OGDHL: variants seen among roughly 807,000 people sequenced by gnomAD.
The protein encoded by OGDHL is 2-oxoglutarate dehydrogenase-like, mitochondrial.
In OGDHL, 79 loss-of-function variants were observed where a neutral mutation model predicts 109.6. The ratio of observed to expected loss-of-function variants is 0.72; its 90% CI spans 0.60 to 0.87. The LOEUF is 0.87. OGDHL is among the 40% of genes least tolerant of loss of function. OGDHL has a pLI of 0.00. For synonymous variants in OGDHL, 528 were observed against 537.2 expected (o/e 0.98, Z 0.24); for missense variants, 1,275 against 1,362.2 (o/e 0.94, Z 1.01).
At chr10:49,736,563 G>A in intron 20 of OGDHL, 43 bp from the exon 21 acceptor site, 2 of 1,595,710 alleles carry the variant, frequency 1.3e-6, no homozygotes, top group Non-Finnish European at 1.7e-6. Context: ...GGTACCCAGA[G>A]GGGCTGGGGC....
rs199545931 is a variant in OGDHL, at chr10:49,737,936, C to T, written c.2517+11G>A. The T allele has an allele frequency of 1.8e-4, 284 of 1,614,124 alleles. No homozygotes were observed. The highest frequency in any genetic ancestry group is 1.3e-3 in the African/African-American group (97 of 75,040). Reference sequence around the variant, plus strand: ...CCTGCCTGTGACCCCTGCCCTGGGACGGAGACTCACCGGCTTGCGGAAGGG... The same window carrying T: ...CCTGCCTGTGACCCCTGCCCTGGGATGGAGACTCACCGGCTTGCGGAAGGG... On this transcript the variant is annotated intron_variant, in intron 19 of 22. Transcript: ENST00000374103.
intron 1 of OGDHL, chr10:49,758,795 C>CAATAGA: frequency 1.6e-6 from 1 of 609,866 alleles, no homozygotes; most frequent in South Asian, 2.0e-5. Flanking sequence ...TCAGTAAACT[C>CAATAGA]TATCAATAGA....
chr10:49,758,985 C>T (rs905807881), intron 1 of OGDHL, among the ~76,000 whole-genome samples: 1 of 152,068 alleles, frequency 6.6e-6, no homozygotes, highest in African/African-American at 2.4e-5. Flanking sequence ...GGGAGTACCA[C>T]CAAGAAGGAG....
chr10:49,743,478 G>A (rs1045759674), intron 14 of OGDHL: 1 of 168,070 alleles, frequency 5.9e-6, no homozygotes, highest in Non-Finnish European at 1.3e-5. Flanking sequence ...ACAGCCACAG[G>A]GGACCCTCCG....
intron 8 of OGDHL, among the ~76,000 whole-genome samples, chr10:49,748,742 C>CCACA (rs3223401): frequency 0.16 from 21,565 of 133,586 alleles, 1,807 homozygotes; most frequent in African/African-American, 0.18. Flanking sequence ...AGGTATGGGT[C>CCACA]CACACACACA....
chr10:49,737,775 C>T lies in OGDHL; in HGVS notation c.2590+11G>A, dbSNP rs1210766437. The T allele has an allele frequency of 2.5e-6, 4 of 1,614,140 alleles. No homozygotes were observed. The highest frequency in any genetic ancestry group is 3.4e-6 in the Non-Finnish European group (4 of 1,180,002). ...TGTGGGCTACCCCACACACCCAGGCCAGGCACGTACCGGATACCATTTGGT... is the reference window on the plus strand; with the variant it reads ...TGTGGGCTACCCCACACACCCAGGCTAGGCACGTACCGGATACCATTTGGT... On this transcript the variant is annotated intron_variant, in intron 20 of 22. Transcript: ENST00000374103.
chr10:49,749,725 C>A lies in OGDHL; in HGVS notation c.987+1G>T. 1 of 1,584,130 alleles carries A rather than the reference C, an allele frequency of 6.3e-7. No individual in the cohort carries two copies. The highest frequency in any genetic ancestry group is 8.5e-7 in the Non-Finnish European group (1 of 1,170,054). ...TGCCGGGACCTGGGCATGGCACCCACCTCGTCCGCCGCCTCCAGCTTGGGG... is the reference window on the plus strand; with the variant it reads ...TGCCGGGACCTGGGCATGGCACCCAACTCGTCCGCCGCCTCCAGCTTGGGG... On this transcript the variant is annotated splice_donor_variant, in intron 8 of 22. Coordinates refer to ENST00000374103, the MANE Select transcript of OGDHL (RefSeq NM_018245.3). LOFTEE classifies it high-confidence loss of function.
At chr10:49,738,894 GC>G (rs754416575) in intron 17 of OGDHL, 111 of 153,534 alleles carry the variant, frequency 7.2e-4, no homozygotes, top group Non-Finnish European at 4.8e-4. Context: ...CAAGGACCCA[GC>G]CCCCCACACC....
intron 8 of OGDHL, among the ~76,000 whole-genome samples, chr10:49,749,189 AC>A (rs1311202798): frequency 6.6e-6 from 1 of 152,194 alleles, no homozygotes; most frequent in Non-Finnish European, 1.5e-5. Flanking sequence ...AGCCTGGGCA[AC>A]AAGAGCAAAA....
chr10:49,755,547 T>A (rs572353178), intron 3 of OGDHL, among the ~76,000 whole-genome samples: 1 of 152,206 alleles, frequency 6.6e-6, no homozygotes, highest in Non-Finnish European at 1.5e-5. Flanking sequence ...AAAATGCTTA[T>A]AATAATACAG....
In OGDHL at chr10:49,740,714, G is replaced by A; in HGVS notation, c.2136C>T (p.Val712=). 1 of 1,613,438 alleles carries A rather than the reference G, an allele frequency of 6.2e-7. No individual in the cohort carries two copies. Among genetic ancestry groups the A allele is most frequent in the Non-Finnish European group, 8.5e-7 (1 of 1,179,580 alleles). The change falls in exon 16 of 23, where the codon GTC becomes GTT. Residue 712 remains valine, a synonymous_variant. Coordinates refer to ENST00000374103, the MANE Select transcript of OGDHL (RefSeq NM_018245.3). The part of the protein sequence containing the change: ...VCNSSLSEYG[V]LGFELGYAMA... ...TGCAGGAGAGCGTGGACCCACCCAG[G>A]ACTCCGTACTCCGAGAGGGAGCTGT...
chr10:49,761,649 G>A (rs1201529165), intron 1 of OGDHL, among the ~76,000 whole-genome samples: 2 of 152,214 alleles, frequency 1.3e-5, no homozygotes. Context: ...TTCGGCGAAT[G>A]CGTACTGCAG....
In OGDHL at chr10:49,751,780, C is replaced by A. The variant is rs929270836; in HGVS notation, c.749+47G>T. 1.9e-6 allele frequency: 3 copies of A among 1,598,020 alleles called. No individual in the cohort carries two copies. The African/African-American group carries it at 4.0e-5, about 21-fold the overall frequency. On this transcript the variant is annotated intron_variant, in intron 6 of 22. Transcript: ENST00000374103. The stretch of plus-strand genomic sequence containing the variant: ...GCAGGGTGTGGGACGTCTCATAGAG[C>A]CCTGGAGCAGGACCTCCAGCCACTT...
intron 17 of OGDHL, chr10:49,739,415 G>A (rs977788828): frequency 4.1e-5 from 19 of 460,646 alleles, no homozygotes; most frequent in African/African-American, 3.7e-4. Flanking sequence ...ACATTCAGAA[G>A]CATTGAACAG....
Position 49,746,801 on chromosome 10 carries a change from G to A in OGDHL, c.1245C>T (p.Asp415=). 2 of 1,614,124 alleles carry A rather than the reference G, an allele frequency of 1.2e-6. No individual in the cohort carries two copies. The highest frequency in any genetic ancestry group is 1.3e-5 in the African/African-American group (1 of 75,046). Residue 415 remains aspartate, a synonymous_variant, in exon 10 of 23, where the codon GAC becomes GAT. Coordinates refer to ENST00000374103, the MANE Select transcript of OGDHL (RefSeq NM_018245.3). ...TACCATTGGTCGTGTAGGAGGGCAG[G>A]TCGCTCAGGTGGAAGGTCTCATATA... The part of the protein sequence containing the change: ...GVVYETFHLS[D]LPSYTTNGTV...
intron 8 of OGDHL, among the ~76,000 whole-genome samples, chr10:49,748,762 AC>A (rs1842379555): frequency 1.4e-5 from 2 of 146,196 alleles, no homozygotes; most frequent in Admixed American, 6.8e-5. Flanking sequence ...ACACACACAC[AC>A]ACACACACAC....
rs1431881001 is a variant in OGDHL at position 49,752,150 on chromosome 10, T to C, written c.577A>G (p.Ile193Val). 4 of 1,613,992 alleles carry C rather than the reference T, an allele frequency of 2.5e-6. No homozygotes were observed. Among genetic ancestry groups the C allele is most frequent in the Non-Finnish European group, 3.4e-6 (4 of 1,179,978 alleles). ...GTGCTCACCTCCAGGCGCCGAATGA[T>C]CTCCCGCAGAGAGAGGGTGTTTTCA... ...GSENTLSLREIIRRLENTYCQ... is the reference protein window; with the variant it reads ...GSENTLSLREVIRRLENTYCQ... Residue 193 changes from isoleucine to valine, a missense_variant, in exon 5 of 23, where the codon ATC becomes GTC. Transcript: ENST00000374103.
At position 49,745,503 on chromosome 10, in the gene OGDHL, G is replaced by C. The variant is rs770532953; in HGVS notation, c.1477-7C>G. 10 of 1,613,514 alleles carry C rather than the reference G, an allele frequency of 6.2e-6. No individual in the cohort carries two copies. Among genetic ancestry groups the C allele is most frequent in the Admixed American group, 1.7e-5 (1 of 60,018 alleles). Reference sequence around the variant, plus strand: ...CACGCCGGCGGTAACAGACCTGCAGGAGCAGCCAGAGGGGCTCAGGCCCTT... The same window carrying C: ...CACGCCGGCGGTAACAGACCTGCAGCAGCAGCCAGAGGGGCTCAGGCCCTT... On this transcript the variant is annotated splice_region_variant and splice_polypyrimidine_tract_variant and intron_variant, in intron 11 of 22. Coordinates refer to ENST00000374103, the MANE Select transcript of OGDHL (RefSeq NM_018245.3).
At chr10:49,750,182 C>A (rs1842487563) in intron 7 of OGDHL, among the ~76,000 whole-genome samples, 1 of 152,190 alleles carries the variant, frequency 6.6e-6, no homozygotes, top group Non-Finnish European at 1.5e-5. Context: ...CTAGTCCAAC[C>A]ACAAGCAGCT....
Sources: gnomAD v4.1 joint callset for allele counts (sites outside exome capture counted in the v4.1 genomes callset) on GRCh38, gnomAD v4.1.1 for gene constraint, MANE v1.5 for transcripts, NCBI Gene and HGNC (gene_info 2026-07-23, HGNC 2026-07-21) for gene names.